The following NXPH1 variants were observed in gnomAD, a reference collection of about 807,000 sequenced individuals.
NXPH1 encodes the protein neurexophilin 1.
A neutral mutation model predicts 23.7 loss-of-function variants in NXPH1; 5 were observed. That is an observed-to-expected ratio of 0.21 (90% confidence interval 0.11 to 0.44). The LOEUF is 0.44. Ranked by LOEUF, NXPH1 falls within the 20% of genes least tolerant of loss-of-function variation. The probability of loss-of-function intolerance (pLI) is 0.99; values close to 1 mark genes in which losing one functional copy is unlikely to be tolerated. For missense variants in NXPH1, 324 were observed against 321.6 expected (o/e 1.01, Z -0.06); for synonymous variants, 144 against 122.2 (o/e 1.18, Z -1.18).
At chr7:8,746,827 C>T (rs760970048) in intron 2 of NXPH1, among the ~76,000 whole-genome samples, 8 of 151,114 alleles carry the variant, frequency 5.3e-5, no homozygotes, top group Non-Finnish European at 8.8e-5. Context: ...CTCATTTTCT[C>T]CCCATTTTCT....
chr7:8,717,512 C>G (rs1779896860), intron 2 of NXPH1, among the ~76,000 whole-genome samples: 1 of 152,124 alleles, frequency 6.6e-6, no homozygotes, highest in Non-Finnish European at 1.5e-5. Context: ...GAAGCTCCAT[C>G]ACTGAATTAA....
intron 2 of NXPH1, among the ~76,000 whole-genome samples, chr7:8,728,996 G>T (rs1780103898): frequency 6.6e-6 from 1 of 151,118 alleles, no homozygotes; most frequent in Non-Finnish European, 1.5e-5. Flanking sequence ...GTAAGCTATT[G>T]ATTATTGCCA....
intron 2 of NXPH1, among the ~76,000 whole-genome samples, chr7:8,694,001 AAG>A (rs1427880867): frequency 1.3e-5 from 2 of 152,224 alleles, no homozygotes; most frequent in Non-Finnish European, 1.5e-5. Context: ...TTTATGAAGA[AAG>A]AGTCATGTCA....
intron 2 of NXPH1, among the ~76,000 whole-genome samples, chr7:8,580,779 G>A (rs1818852074): frequency 6.6e-6 from 1 of 151,854 alleles, no homozygotes; most frequent in Non-Finnish European, 1.5e-5. Flanking sequence ...TAGTTTCTGG[G>A]GCCTGTTAGG....
At position 8,435,853 on chromosome 7, in the gene NXPH1, C is replaced by A; in HGVS notation, c.54+86C>A. 3 of 1,280,444 alleles carry A rather than the reference C, an allele frequency of 2.3e-6. No homozygotes were observed. The highest frequency in any genetic ancestry group is 3.4e-6 in the Non-Finnish European group (3 of 877,202). The allele number at this position is 1,280,444 out of a possible 1,614,324, so 79.3% of individuals were successfully genotyped here. A position where few individuals can be genotyped will look rare whatever the true frequency, so the allele number is the denominator to read the frequency against. ...GGGGACACGCGGGAGAAGGGTTACG[C>A]CGCCAGTTCAGTGAGAGCAGCTTCC... On this transcript the variant is annotated intron_variant, in intron 2 of 2. Transcript: ENST00000405863. This position sits in a 1 kb window ranked among gnomAD's most constrained non-coding sequence, Gnocchi z 5.9.
rs188076428 is a variant in NXPH1, at chr7:8,448,884, G to T, written c.54+13117G>T. ...CTAGCGAATTGTTTATGGAAATGAA[G>T]AGACAAGTCATCAATAGGATCAATA... On this transcript the variant is annotated intron_variant, in intron 2 of 2. Coordinates refer to ENST00000405863, the MANE Select transcript of NXPH1 (RefSeq NM_152745.3). Among the ~76,000 whole-genome samples the T allele has an allele frequency of 1.9e-3, 285 of 149,598 alleles. 7 individuals carry two copies. Among genetic ancestry groups the T allele is most frequent in the Admixed American group, 0.017 (264 of 15,086 alleles).
intron 2 of NXPH1, among the ~76,000 whole-genome samples, chr7:8,493,093 G>A (rs1002176183): frequency 7.9e-5 from 12 of 151,864 alleles, no homozygotes; most frequent in East Asian, 3.9e-4. Context: ...CTCTCCTCTC[G>A]ACTATCTTTG....
At chr7:8,452,438 C>T (rs1816522954) in intron 2 of NXPH1, among the ~76,000 whole-genome samples, 1 of 152,092 alleles carries the variant, frequency 6.6e-6, no homozygotes, top group Non-Finnish European at 1.5e-5. Context: ...TTTTTATCTC[C>T]CTTAATGCCT....
intron 2 of NXPH1, among the ~76,000 whole-genome samples, chr7:8,598,317 C>T (rs1218064815): frequency 6.6e-6 from 1 of 152,110 alleles, no homozygotes; most frequent in Non-Finnish European, 1.5e-5. Flanking sequence ...TTTTATAATT[C>T]ACCCCGTCTC....
chr7:8,718,433 C>T (rs1243192586), intron 2 of NXPH1, among the ~76,000 whole-genome samples: 1 of 152,162 alleles, frequency 6.6e-6, no homozygotes, highest in Non-Finnish European at 1.5e-5. Context: ...TTGAATAAAG[C>T]ACTCATCTGA....
intron 2 of NXPH1, among the ~76,000 whole-genome samples, chr7:8,695,575 T>C (rs1040620476): frequency 6.6e-6 from 1 of 152,184 alleles, no homozygotes; most frequent in African/African-American, 2.4e-5. Context: ...TACCTTCTAC[T>C]TTTCTATGGT....
At chr7:8,581,962 A>G (rs1275696569) in intron 2 of NXPH1, among the ~76,000 whole-genome samples, 1 of 152,112 alleles carries the variant, frequency 6.6e-6, no homozygotes, top group Admixed American at 6.5e-5. Flanking sequence ...TATACCTGCC[A>G]AGGGCGAGAC....
intron 2 of NXPH1, among the ~76,000 whole-genome samples, chr7:8,440,187 T>C (rs1460347309): frequency 2.6e-5 from 4 of 152,190 alleles, no homozygotes; most frequent in African/African-American, 9.7e-5. Flanking sequence ...TCCTGAGCTC[T>C]GGGGGACACA....
intron 2 of NXPH1, among the ~76,000 whole-genome samples, chr7:8,725,804 AT>A (rs34868585): frequency 8.6e-5 from 13 of 151,072 alleles, no homozygotes; most frequent in African/African-American, 2.9e-4. Context: ...ATCTTTACCT[AT>A]TTTTTTTTAT....
At chr7:8,450,676 GC>G (rs1816491800) in intron 2 of NXPH1, among the ~76,000 whole-genome samples, 1 of 152,180 alleles carries the variant, frequency 6.6e-6, no homozygotes, top group Admixed American at 6.5e-5. Flanking sequence ...ATGCCTTGGG[GC>G]AAAAAATTAA....
chr7:8,552,089 C>T (rs1279902864), intron 2 of NXPH1, among the ~76,000 whole-genome samples: 2 of 132,610 alleles, frequency 1.5e-5, no homozygotes, highest in Non-Finnish European at 3.1e-5. Context: ...TTTGGCTTAA[C>T]TCCAATTGTC....
At chr7:8,452,075 G>A (rs534405656) in intron 2 of NXPH1, among the ~76,000 whole-genome samples, 5 of 152,280 alleles carry the variant, frequency 3.3e-5, no homozygotes, top group African/African-American at 9.6e-5. Context: ...GATGTCCCGC[G>A]GTTTGCATCA....
chr7:8,631,493 A>C (rs774790840), intron 2 of NXPH1, among the ~76,000 whole-genome samples: 2 of 152,208 alleles, frequency 1.3e-5, no homozygotes, highest in Non-Finnish European at 2.9e-5. Flanking sequence ...GATAACCTTC[A>C]GAATGGGGGA....
chr7:8,519,675 C>T (rs925572343), intron 2 of NXPH1, among the ~76,000 whole-genome samples: 44 of 152,258 alleles, frequency 2.9e-4, no homozygotes, highest in African/African-American at 1.0e-3. Flanking sequence ...CCTCACCGCT[C>T]CTTATGTTTT....
Sources: gnomAD v4.1 joint callset for allele counts (sites outside exome capture counted in the v4.1 genomes callset) on GRCh38, gnomAD v4.1.1 for gene constraint, Gnocchi (gnomAD v3.1) non-coding constraint, MANE v1.5 for transcripts, NCBI Gene and HGNC (gene_info 2026-07-23, HGNC 2026-07-21) for gene names.